PDE8B: variants seen among roughly 807,000 people sequenced by gnomAD.
PDE8B encodes the protein phosphodiesterase 8B, also known as high affinity cAMP-specific and IBMX-insensitive 3',5'-cyclic phosphodiesterase 8B.
PDE8B carries 26 observed loss-of-function variants against 101.3 expected under a neutral mutation model. The ratio of observed to expected loss-of-function variants is 0.26; its 90% CI spans 0.19 to 0.36. PDE8B has a LOEUF of 0.36. Among genes scored for constraint, PDE8B ranks in the 10% least tolerant of loss-of-function variants. The pLI is 1.00. For missense variants in PDE8B, 810 were observed against 1,163.1 expected (o/e 0.70, Z 4.42); for synonymous variants, 424 against 429.3 (o/e 0.99, Z 0.15).
intron 10 of PDE8B, among the ~76,000 whole-genome samples, chr5:77,375,513 A>C (rs1014776947): frequency 3.3e-5 from 5 of 152,196 alleles, no homozygotes; most frequent in African/African-American, 4.8e-5. Flanking sequence ...AGAGGACATC[A>C]AACTTCTCTT....
At chr5:77,100,781 A>G in the PDE8B span, among the ~76,000 whole-genome samples, 5 of 152,228 alleles carry the variant, frequency 3.3e-5, no homozygotes, top group South Asian at 2.1e-4. Flanking sequence ...CTCTCCAAGT[A>G]TAGTCAGGGT....
rs1760991258 is a variant in PDE8B, at chr5:77,263,198, CAG to C, written c.340-48792_340-48791del. Among the ~76,000 whole-genome samples, 4 of 152,308 alleles carry C rather than the reference CAG, an allele frequency of 2.6e-5. No homozygotes were observed. The South Asian group carries it at 8.3e-4, about 32-fold the overall frequency. ...TGAGAGATCAGGGCAACTAGAATAA[CAG>C]AGATGACAGTTTAGGGCAGAATACA... On this transcript the variant is annotated intron_variant, in intron 1 of 21. Coordinates refer to ENST00000264917, the MANE Select transcript of PDE8B (RefSeq NM_003719.5).
At chr5:77,334,530 C>T (rs577235647) in intron 5 of PDE8B, among the ~76,000 whole-genome samples, 5 of 152,180 alleles carry the variant, frequency 3.3e-5, no homozygotes, top group East Asian at 1.9e-4. Flanking sequence ...CTAGGCATGC[C>T]GGGGGCACAA....
chr5:77,166,683 C>G, the PDE8B span: 1 of 152,212 alleles, frequency 6.6e-6, no homozygotes, highest in Admixed American at 6.5e-5. Flanking sequence ...AGATGCAACT[C>G]TGGAGTGGGG....
the PDE8B span, among the ~76,000 whole-genome samples, chr5:77,196,859 A>C: frequency 4.6e-5 from 7 of 152,238 alleles, no homozygotes; most frequent in East Asian, 1.3e-3. Flanking sequence ...CACAAATTCA[A>C]CTTCTTTAGT....
intron 1 of PDE8B, among the ~76,000 whole-genome samples, chr5:77,220,659 A>G (rs907739345): frequency 3.3e-5 from 5 of 152,240 alleles, no homozygotes; most frequent in African/African-American, 1.2e-4. Context: ...TAGCTGGAAT[A>G]TATTTACACT....
the PDE8B span, chr5:77,112,916 G>A: frequency 2.0e-5 from 3 of 152,050 alleles, no homozygotes; most frequent in South Asian, 4.1e-4. Flanking sequence ...TCCCATTCAC[G>A]ATTGCTTCAA....
intron 1 of PDE8B, among the ~76,000 whole-genome samples, chr5:77,217,119 A>G (rs1203722821): frequency 6.6e-6 from 1 of 152,194 alleles, no homozygotes; most frequent in Non-Finnish European, 1.5e-5. Context: ...TTATTGCTGT[A>G]AACATATCCT....
chr5:77,125,729 A>G, the PDE8B span, among the ~76,000 whole-genome samples: 10 of 152,238 alleles, frequency 6.6e-5, no homozygotes, highest in Non-Finnish European at 1.3e-4. Context: ...GTATGATTCC[A>G]TTAATATGAA....
At chr5:77,407,650 G>A (rs1471528616) in intron 13 of PDE8B, among the ~76,000 whole-genome samples, 193 bp downstream of exon 13, 1 of 152,244 alleles carries the variant, frequency 6.6e-6, no homozygotes, top group African/African-American at 2.4e-5. Context: ...AGCGGGTTCT[G>A]TGAGAGAAAA....
At chr5:77,411,948 T>C in intron 15 of PDE8B, 152 bp from the exon 16 acceptor site, 5 of 816,354 alleles carry the variant, frequency 6.1e-6, no homozygotes, top group Non-Finnish European at 8.3e-6. Flanking sequence ...TTAAAGTGAA[T>C]TATTTTTCTA....
chr5:77,092,416 G>A, the PDE8B span: 3 of 151,888 alleles, frequency 2.0e-5, no homozygotes, highest in Non-Finnish European at 4.4e-5. Flanking sequence ...TTCAGTTCTT[G>A]CTTTCTTGGT....
At chr5:77,379,313 A>G (rs886806505) in intron 10 of PDE8B, among the ~76,000 whole-genome samples, 5 of 152,098 alleles carry the variant, frequency 3.3e-5, no homozygotes, top group Non-Finnish European at 7.4e-5. Flanking sequence ...GATCTGGGGG[A>G]AAAAAACAGC....
At chr5:77,291,326 T>C in intron 1 of PDE8B, 1 of 1,612,710 alleles carries the variant, frequency 6.2e-7, no homozygotes, top group Non-Finnish European at 8.5e-7. Flanking sequence ...TGAGCATGTT[T>C]CTTGGAGCAG....
intron 11 of PDE8B, among the ~76,000 whole-genome samples, chr5:77,402,206 G>T (rs1018778802): frequency 6.6e-6 from 1 of 151,992 alleles, no homozygotes; most frequent in Non-Finnish European, 1.5e-5. Flanking sequence ...ATTCAGAAAT[G>T]CCATGATCCC....
chr5:77,389,229 G>A (rs189054218), intron 10 of PDE8B, among the ~76,000 whole-genome samples: 47 of 152,282 alleles, frequency 3.1e-4, no homozygotes, highest in South Asian at 1.5e-3. Context: ...CCTGGTCTGC[G>A]GATTGCAAAG....
chr5:77,398,317 A>AT (rs1791505864), intron 10 of PDE8B, among the ~76,000 whole-genome samples: 1 of 105,158 alleles, frequency 9.5e-6, no homozygotes, highest in Admixed American at 1.1e-4. Flanking sequence ...AAGCTGTTTT[A>AT]CTTTTTTTTT....
At chr5:77,214,578 C>T (rs1749235929) in intron 1 of PDE8B, among the ~76,000 whole-genome samples, 1 of 152,120 alleles carries the variant, frequency 6.6e-6, no homozygotes. Flanking sequence ...CATAGCACTC[C>T]AGAATTTGTG....
Position 77,300,149 on chromosome 5 carries a change from G to A in PDE8B, c.340-11845G>A, listed in dbSNP as rs557094994. Among the ~76,000 whole-genome samples the A allele has an allele frequency of 3.0e-4, 45 of 152,344 alleles. No individual in the cohort carries two copies. The South Asian group carries it at 9.1e-3, about 31-fold the overall frequency. ...GAGAACCTGAGGCTCATCAAAATGA[G>A]CAAGTAGGCAGAGCTTTAGAGTTTT... On this transcript the variant is annotated intron_variant, in intron 1 of 21. Transcript: ENST00000264917.
Sources: gnomAD v4.1 joint callset for allele counts (sites outside exome capture counted in the v4.1 genomes callset) on GRCh38, gnomAD v4.1.1 for gene constraint, MANE v1.5 for transcripts, NCBI Gene and HGNC (gene_info 2026-07-23, HGNC 2026-07-21) for gene names.